Variants in MYO9B observed in about 807,000 individuals in gnomAD.
The protein encoded by MYO9B is unconventional myosin-IXb.
Under a neutral mutation model 229.5 loss-of-function variants are expected in MYO9B, and 71 were observed. The observed-to-expected ratio is 0.31, with a 90% CI of 0.26 to 0.38. The LOEUF is 0.38. MYO9B is among the 10% of genes least tolerant of loss of function. MYO9B has a pLI of 1.00. For synonymous variants in MYO9B, 1,185 were observed against 1,235.8 expected, an observed-to-expected ratio of 0.96 and a Z score of 0.86; for missense variants, 2,255 against 2,920.5, an observed-to-expected ratio of 0.77 and a Z score of 5.25.
intron 2 of MYO9B, among the ~76,000 whole-genome samples, chr19:17,118,621 A>G (rs980256940): frequency 6.6e-6 from 1 of 151,870 alleles, no homozygotes; most frequent in Non-Finnish European, 1.5e-5. Context: ...AGCTGGGACT[A>G]CAGGCGTGCG....
In MYO9B at chr19:17,194,831, C is replaced by A. The variant is rs1028914177; in HGVS notation, c.3404C>A (p.Ala1135Asp). Reference protein sequence around the residue: ...KTLPPQKTVAAESHEKVPSSR... With the variant: ...KTLPPQKTVADESHEKVPSSR... ...CTCCCACCCCAGAAAACCGTGGCGG[C>A]TGAAAGTCACGAGAAAGTCCCCAGC... The change falls in exon 22 of 40, where the codon GCT becomes GAT. Residue 1135 changes from alanine (A) to aspartate (D), a missense_variant. This residue lies in a region of MYO9B where 679 missense variants were observed against 770.2 expected (regional missense o/e 0.88). Coordinates refer to ENST00000682292, the MANE Select transcript of MYO9B (RefSeq NM_004145.4). 1.2e-6 allele frequency: 2 copies of A among 1,613,202 alleles called. No individual in the cohort carries two copies. Among genetic ancestry groups the A allele is most frequent in the African/African-American group, 2.7e-5 (2 of 74,936 alleles).
chr19:17,195,299 C>A lies in MYO9B; in HGVS notation c.3872C>A (p.Pro1291His). The A allele has an allele frequency of 6.2e-7, 1 of 1,612,596 alleles. No individual in the cohort carries two copies. Among genetic ancestry groups the A allele is most frequent in the Non-Finnish European group, 8.5e-7 (1 of 1,179,744 alleles). Residue 1291 changes from proline to histidine, a missense_variant, in exon 22 of 40, where the codon CCC becomes CAC. By Grantham distance (77) the Pro-to-His change is moderately conservative. This residue lies in a region of MYO9B where 679 missense variants were observed against 770.2 expected (regional missense o/e 0.88). Coordinates refer to ENST00000682292, the MANE Select transcript of MYO9B (RefSeq NM_004145.4). This position sits in a 1 kb window ranked among gnomAD's most constrained non-coding sequence, Gnocchi z 4.5. ...AGGGTTCAGGAAAAGCCCGACAGCC[C>A]CGGAGGCTCCACGCAGATCCAGCGG... is the stretch of plus-strand genomic sequence containing the variant. ...SPRVQEKPDS[P>H]GGSTQIQRYL...
At chr19:17,123,283 C>T (rs990723335) in intron 2 of MYO9B, among the ~76,000 whole-genome samples, 20 of 152,158 alleles carry the variant, frequency 1.3e-4, no homozygotes, top group African/African-American at 3.9e-4. Context: ...AGCTGCAATT[C>T]GGACATAGTT....
intron 2 of MYO9B, among the ~76,000 whole-genome samples, chr19:17,114,599 C>T (rs986710457): frequency 3.9e-5 from 6 of 152,284 alleles, no homozygotes; most frequent in Middle Eastern, 3.4e-3. Flanking sequence ...TTAGGACTTC[C>T]GCCTGCACTG....
At chr19:17,125,309 C>CCCCCCCG (rs879861138) in intron 2 of MYO9B, among the ~76,000 whole-genome samples, 4 of 120,926 alleles carry the variant, frequency 3.3e-5, no homozygotes, top group African/African-American at 1.0e-4. Flanking sequence ...CCCCCCCCCC[C>CCCCCCCG]AAAAAAAGGG....
At chr19:17,159,622 T>C in intron 8 of MYO9B, 138 bp downstream of exon 8, 1 of 823,632 alleles carries the variant, frequency 1.2e-6, no homozygotes, top group Admixed American at 2.3e-5. Context: ...CTGATTGTCA[T>C]GCAAGCTCAG....
At chr19:17,147,672 ATTTTTTTTT>A (rs1027030377) in intron 3 of MYO9B, among the ~76,000 whole-genome samples, 3 of 81,206 alleles carry the variant, frequency 3.7e-5, no homozygotes, top group African/African-American at 1.9e-4. Flanking sequence ...ACTATGTTTA[ATTTTTTTTT>A]TTTTTTTTTT....
At chr19:17,188,425 T>A (rs3826696) in intron 19 of MYO9B, among the ~76,000 whole-genome samples, 1 of 128,062 alleles carries the variant, frequency 7.8e-6, no homozygotes, top group African/African-American at 3.0e-5. Flanking sequence ...CAAGACTCCA[T>A]CTCAAAAAAA....
rs536601597 is a variant in MYO9B, at chr19:17,186,092, A to G, written c.2577+91A>G. On this transcript the variant is annotated intron_variant, in intron 18 of 39. Transcript: ENST00000682292. ...CTGCATCCAGCCCCAGCCTCCACGC[A>G]GTATGGGGGACGGTGCAGCAGTCCA... 392 of 1,151,760 alleles carry G rather than the reference A, an allele frequency of 3.4e-4. 4 individuals carry two copies. In the East Asian group the frequency reaches 9.3e-3, roughly 27 times the overall value. 71.3% of individuals were successfully genotyped at this position (1,151,760 alleles called of 1,614,324 possible). A position where few individuals can be genotyped will look rare whatever the true frequency, so the allele number is the denominator to read the frequency against.
In MYO9B at chr19:17,175,493, C is replaced by G. The variant is rs1005677953; in HGVS notation, c.2141-170C>G. Among the ~76,000 whole-genome samples the G allele has an allele frequency of 2.6e-5, 4 of 152,022 alleles. No homozygotes were observed. The East Asian group carries it at 7.8e-4, about 30-fold the overall frequency. ...ACTCAGGAGGCGGAGGCAGGAGAAT[C>G]CCTTGAACTCAGGAGGCAGAAGTTG... On this transcript the variant is annotated intron_variant, in intron 13 of 39. Transcript: ENST00000682292.
intron 34 of MYO9B, 134 bp from the exon 35 acceptor site, chr19:17,206,979 A>C: frequency 1.5e-6 from 2 of 1,368,924 alleles, no homozygotes; most frequent in Non-Finnish European, 2.0e-6. Context: ...TGTGCTGCGG[A>C]AGCATCTCCC....
rs1159227941 is a variant in MYO9B at position 17,077,845 on chromosome 19, C to T, written c.-59+1971C>T. 3.3e-5 allele frequency among the ~76,000 whole-genome samples: 5 copies of T among 152,066 alleles called. No individual in the cohort carries two copies. The South Asian group carries it at 6.2e-4, about 19-fold the overall frequency. ...TATCCAAAAATGATTTTTTTTCAAC[C>T]GCTTCTTCATCGTCCAAATAGAAAA... is the stretch of plus-strand genomic sequence containing the variant. On this transcript the variant is annotated intron_variant, in intron 1 of 39. Transcript: ENST00000682292.
Position 17,142,110 on chromosome 19 carries a change from C to T in MYO9B, c.841-3287C>T, listed in dbSNP as rs775905871. Reference sequence around the variant, plus strand: ...GGAGGATTGCTTGAGGCCACGAGGTCGAGGCTTGCAGTGAGCTATGATTAC... The same window carrying T: ...GGAGGATTGCTTGAGGCCACGAGGTTGAGGCTTGCAGTGAGCTATGATTAC... On this transcript the variant is annotated intron_variant, in intron 2 of 39. Transcript: ENST00000682292. Among the ~76,000 whole-genome samples, 4 of 149,852 alleles carry T rather than the reference C, an allele frequency of 2.7e-5. No homozygotes were observed. The East Asian group carries it at 7.8e-4, about 29-fold the overall frequency.
rs575716145 is a variant in MYO9B at position 17,158,089 on chromosome 19, C to T, written c.1329+1051C>T. ...ATGGATGCTGCCCAACACCCCACAGCGCACAGGACAGCCCCCCAATGGCAA... is the reference window on the plus strand; with the variant it reads ...ATGGATGCTGCCCAACACCCCACAGTGCACAGGACAGCCCCCCAATGGCAA... On this transcript the variant is annotated intron_variant, in intron 7 of 39. Coordinates refer to ENST00000682292, the MANE Select transcript of MYO9B (RefSeq NM_004145.4). 3.3e-5 allele frequency among the ~76,000 whole-genome samples: 5 copies of T among 152,300 alleles called. No homozygotes were observed. The East Asian group carries it at 5.8e-4, about 18-fold the overall frequency.
intron 2 of MYO9B, 57 bp from the exon 3 acceptor site, chr19:17,145,335 GAAAAA>G: frequency 7.1e-7 from 1 of 1,408,604 alleles, no homozygotes; most frequent in Non-Finnish European, 1.0e-6. Context: ...AAAATGAGAG[GAAAAA>G]AAAGAAAAAG....
chr19:17,115,013 G>C (rs1359416478), intron 2 of MYO9B, among the ~76,000 whole-genome samples: 1 of 150,510 alleles, frequency 6.6e-6, no homozygotes, highest in Non-Finnish European at 1.5e-5. Flanking sequence ...TTTAGAGACA[G>C]GGTCTAGCCC....
At chr19:17,130,772 C>CAAA (rs71180365) in intron 2 of MYO9B, among the ~76,000 whole-genome samples, 3 of 133,014 alleles carry the variant, frequency 2.3e-5, no homozygotes, top group African/African-American at 8.2e-5. Context: ...GACTTGGTCT[C>CAAA]AAAAAAAAAA....
At chr19:17,086,874 C>T (rs940499482) in intron 1 of MYO9B, among the ~76,000 whole-genome samples, 1 of 72,174 alleles carries the variant, frequency 1.4e-5, no homozygotes, top group African/African-American at 1.0e-4. Context: ...AGCAAGACTT[C>T]GTCTCAAAAA....
At chr19:17,204,480 G>T (rs1021726802) in intron 30 of MYO9B, among the ~76,000 whole-genome samples, 1 of 151,698 alleles carries the variant, frequency 6.6e-6, no homozygotes, top group African/African-American at 2.4e-5. Context: ...TGGCCACCTT[G>T]GAGCTATGAA....
Sources: gnomAD v4.1 joint callset for allele counts (sites outside exome capture counted in the v4.1 genomes callset) on GRCh38, gnomAD v4.1.1 for gene constraint, gnomAD v4.1.1 regional missense constraint, Gnocchi (gnomAD v3.1) non-coding constraint, MANE v1.5 for transcripts, NCBI Gene and HGNC (gene_info 2026-07-23, HGNC 2026-07-21) for gene names.